Variants in RNF212 observed in about 807,000 individuals in gnomAD.
RNF212 encodes ring finger protein 212.
Under a neutral mutation model 34.7 loss-of-function variants are expected in RNF212, and 33 were observed. The observed-to-expected ratio is 0.95, with a 90% CI of 0.72 to 1.27. RNF212 has a LOEUF of 1.27. Ranked by LOEUF, RNF212 falls within the 50% of genes most tolerant of loss-of-function variation. The pLI, the probability that RNF212 is intolerant of heterozygous loss-of-function variation, is 0.00. For missense variants in RNF212, 377 were observed against 362.2 expected, an observed-to-expected ratio of 1.04 and a Z score of -0.33; for synonymous variants, 140 against 136.1, an observed-to-expected ratio of 1.03 and a Z score of -0.20.
intron 8 of RNF212, among the ~76,000 whole-genome samples, chr4:1,076,378 C>G (rs1356813369): frequency 6.6e-6 from 1 of 152,242 alleles, no homozygotes; most frequent in Non-Finnish European, 1.5e-5. Context: ...TCCGAGTCCA[C>G]CCAATGAGAG....
At chr4:1,087,957 A>G (rs1721604681) in intron 4 of RNF212, among the ~76,000 whole-genome samples, 3 of 152,118 alleles carry the variant, frequency 2.0e-5, no homozygotes, top group East Asian at 3.8e-4. Flanking sequence ...TCCTTTATAA[A>G]TCACCCAGTC....
At chr4:1,091,373 C>T (rs942730042) in intron 3 of RNF212, among the ~76,000 whole-genome samples, 1 of 152,036 alleles carries the variant, frequency 6.6e-6, no homozygotes, top group Admixed American at 6.5e-5. Flanking sequence ...TCTGAGAGTA[C>T]CAACATAAGG....
At position 1,081,414 on chromosome 4, in the gene RNF212, C is replaced by T; in HGVS notation, c.464+5G>A. On this transcript the variant is annotated splice_donor_5th_base_variant and intron_variant, in intron 7 of 9. Coordinates refer to ENST00000433731, the MANE Select transcript of RNF212 (RefSeq NM_001131034.4). ...TCCTGTGATTTCTGCAAGCAACCCA[C>T]ACACCTGTCGGGGGCTGATGAGTGA... is the stretch of plus-strand genomic sequence containing the variant. The T allele has an allele frequency of 6.2e-7, 1 of 1,613,602 alleles. No individual in the cohort carries two copies. The highest frequency in any genetic ancestry group is 8.5e-7 in the Non-Finnish European group (1 of 1,179,666).
intron 3 of RNF212, among the ~76,000 whole-genome samples, chr4:1,094,575 A>G (rs1722748807): frequency 6.6e-6 from 1 of 152,126 alleles, no homozygotes; most frequent in South Asian, 2.1e-4. Context: ...CTCAGCTGCC[A>G]GGATGGGGGC....
exon 4 of RNF212, chr4:1,058,332 TCC>T: frequency 1.0e-6 from 1 of 965,844 alleles, no homozygotes; most frequent in Non-Finnish European, 1.2e-6. Flanking sequence ...TGAGAGGCTT[TCC>T]CATGCTCCTC....
chr4:1,068,049 C>T (rs186722301), downstream of RNF212, among the ~76,000 whole-genome samples: 21 of 152,152 alleles, frequency 1.4e-4, no homozygotes, highest in Admixed American at 5.9e-4. Context: ...CTCCCCACAC[C>T]GATGTAGAGA....
In RNF212 at chr4:1,113,513, G is replaced by A; in HGVS notation, c.-49C>T. Reference sequence around the variant, plus strand: ...GAGGCCGGGCCCACGCGAAGCCCACGCAAGGTTGGGACCAGCCTCCCCGCG... The same window carrying A: ...GAGGCCGGGCCCACGCGAAGCCCACACAAGGTTGGGACCAGCCTCCCCGCG... On this transcript the variant is annotated 5_prime_UTR_variant, in exon 1 of 10. Coordinates refer to ENST00000433731, the MANE Select transcript of RNF212 (RefSeq NM_001131034.4). The A allele has an allele frequency of 1.3e-6, 2 of 1,507,660 alleles. No individual in the cohort carries two copies. The highest frequency in any genetic ancestry group is 1.8e-6 in the Non-Finnish European group (2 of 1,096,490). The allele number at this position is 1,507,660 out of a possible 1,614,324, so 93.4% of individuals were successfully genotyped here.
chr4:1,084,566 C>A (rs1021310492), intron 5 of RNF212, among the ~76,000 whole-genome samples: 1 of 151,556 alleles, frequency 6.6e-6, no homozygotes, highest in African/African-American at 2.4e-5. Context: ...CCCATCTCCA[C>A]ACAAAATAAA....
At chr4:1,087,237 TA>T (rs1364794459) in intron 4 of RNF212, among the ~76,000 whole-genome samples, 439 of 962 alleles carry the variant, frequency 0.46, 171 homozygotes, top group African/African-American at 0.76. Context: ...GAGGACGGGG[TA>T]GGGGAGAGAG....
intron 3 of RNF212, among the ~76,000 whole-genome samples, chr4:1,063,438 C>CA (rs1717879053): frequency 6.6e-6 from 1 of 152,124 alleles, no homozygotes; most frequent in South Asian, 2.1e-4. Context: ...TGGCTGGGTA[C>CA]GGTGGCTCAT....
chr4:1,113,547 G>A lies in RNF212; in HGVS notation c.-83C>T, dbSNP rs1029422417. The A allele has an allele frequency of 3.4e-6, 4 of 1,166,292 alleles. No individual in the cohort carries two copies. The highest frequency in any genetic ancestry group is 2.2e-5 in the Admixed American group (1 of 46,098). 72.2% of individuals were successfully genotyped at this position (1,166,292 alleles called of 1,614,324 possible). On this transcript the variant is annotated 5_prime_UTR_variant, in exon 1 of 10. Transcript: ENST00000433731. ...GGACCAGCCTCCCCGCGCAGGGCCC[G>A]AAGGCGGGCAGCTCTGCGCCTGCGC...
At chr4:1,058,858 A>G (rs1023131055) in intron 3 of RNF212, among the ~76,000 whole-genome samples, 28 of 152,160 alleles carry the variant, frequency 1.8e-4, no homozygotes, top group Admixed American at 8.5e-4. Context: ...CAGGTACTCA[A>G]TGAGCATCTG....
chr4:1,099,681 T>C (rs1183134320), intron 2 of RNF212: 3 of 455,462 alleles, frequency 6.6e-6, no homozygotes, highest in Admixed American at 2.4e-5. Flanking sequence ...TGCGCCACAA[T>C]GGTACAGTAA....
intron 3 of RNF212, among the ~76,000 whole-genome samples, chr4:1,062,215 C>T (rs1717795137): frequency 6.6e-6 from 1 of 152,164 alleles, no homozygotes; most frequent in African/African-American, 2.4e-5. Flanking sequence ...CTTATGAATA[C>T]AGACACACAA....
In RNF212 at chr4:1,071,552, T is replaced by C. The variant is rs1193161417; in HGVS notation, c.*1322A>G. 1.3e-5 allele frequency: 2 copies of C among 152,126 alleles called. No individual in the cohort carries two copies. The highest frequency in any genetic ancestry group is 4.8e-5 in the African/African-American group (2 of 41,428). The allele number at this position is 152,126 out of a possible 1,614,324, so 9.4% of individuals were successfully genotyped here. A position where few individuals can be genotyped will look rare whatever the true frequency, so the allele number is the denominator to read the frequency against. ...AAAGACACACAAAAAAGAAATGTCA[T>C]CCAAAATATACACAGGACTCTTAAA... is the stretch of plus-strand genomic sequence containing the variant. On this transcript the variant is annotated 3_prime_UTR_variant, in exon 10 of 10. Transcript: ENST00000433731.
At chr4:1,083,783 G>T (rs559002007) in intron 5 of RNF212, among the ~76,000 whole-genome samples, 2 of 152,148 alleles carry the variant, frequency 1.3e-5, no homozygotes, top group Admixed American at 1.3e-4. Context: ...GGCTGACGTC[G>T]AGGGTGGGGA....
intron 4 of RNF212, among the ~76,000 whole-genome samples, chr4:1,057,472 C>T (rs145351016): frequency 6.6e-6 from 1 of 152,250 alleles, no homozygotes; most frequent in Non-Finnish European, 1.5e-5. Flanking sequence ...GGGAGGTGAA[C>T]TGTGGTCTGT....
downstream of RNF212, among the ~76,000 whole-genome samples, chr4:1,066,829 T>G (rs544485801): frequency 3.7e-4 from 57 of 152,370 alleles, no homozygotes; most frequent in South Asian, 8.3e-4. Flanking sequence ...AATTTTTTTT[T>G]TTGTTGCCTG....
At chr4:1,058,356 C>T (rs548722321) in exon 4 of RNF212, 3 of 984,684 alleles carry the variant, frequency 3.0e-6, no homozygotes, top group Non-Finnish European at 3.6e-6. Context: ...GACTCGTTGT[C>T]AGGCCGGGAT....
Sources: allele counts gnomAD v4.1 joint callset (sites outside exome capture counted in the v4.1 genomes callset), GRCh38; gene constraint gnomAD v4.1.1; transcripts MANE v1.5; gene names NCBI Gene and HGNC (gene_info 2026-07-23, HGNC 2026-07-21).